STXBP5L: variants seen among roughly 807,000 people sequenced by gnomAD.
STXBP5L encodes syntaxin binding protein 5L.
Under a neutral mutation model 144.5 loss-of-function variants are expected in STXBP5L, and 65 were observed. The observed-to-expected ratio is 0.45, with a 90% CI of 0.37 to 0.55. The LOEUF is 0.55. Ranked by LOEUF, STXBP5L falls within the 20% of genes least tolerant of loss-of-function variation. The pLI is 0.00. For synonymous variants in STXBP5L, 505 were observed against 469.6 expected (o/e 1.08, Z -0.97); for missense variants, 1,298 against 1,405.5 (o/e 0.92, Z 1.22).
chr3:121,006,183 G>T (rs914282778), intron 3 of STXBP5L, among the ~76,000 whole-genome samples: 1 of 152,164 alleles, frequency 6.6e-6, no homozygotes, highest in African/African-American at 2.4e-5. Flanking sequence ...TTGTGTGGGA[G>T]TCTAAGTCTC....
chr3:121,268,158 G>A (rs987509129), intron 18 of STXBP5L, among the ~76,000 whole-genome samples: 8 of 152,160 alleles, frequency 5.3e-5, no homozygotes, highest in East Asian at 1.9e-4. Context: ...GTAACCAACC[G>A]AAATGCCCTT....
rs2051003995 is a variant in STXBP5L at position 121,279,949 on chromosome 3, C to A, written c.2103C>A (p.Phe701Leu). The change falls in exon 19 of 27, where the codon TTC (phenylalanine) becomes TTA (leucine). Residue 701 changes from phenylalanine to leucine, a missense_variant. Physicochemically the swap from Phe to Leu is conservative, Grantham distance 22. Transcript: ENST00000471454. ...QPRSPRKNKQ[F>L]IAGLTELNDS... ...GGTCTCCTCGAAAAAACAAACAGTT[C>A]ATTGCAGGTAGGAGATAAAACAAGA... is the stretch of plus-strand genomic sequence containing the variant. 6.2e-7 allele frequency: 1 copy of A among 1,611,356 alleles called. No homozygotes were observed. Among genetic ancestry groups the A allele is most frequent in the Non-Finnish European group, 8.5e-7 (1 of 1,178,468 alleles).
chr3:121,310,085 T>A (rs979737355), intron 19 of STXBP5L, among the ~76,000 whole-genome samples: 7 of 152,216 alleles, frequency 4.6e-5, no homozygotes, highest in Non-Finnish European at 1.0e-4. Flanking sequence ...AAAGTCTTTT[T>A]AACAAATAAT....
intron 5 of STXBP5L, among the ~76,000 whole-genome samples, chr3:121,105,344 C>G (rs958435431): frequency 6.6e-6 from 1 of 151,536 alleles, no homozygotes; most frequent in Admixed American, 6.6e-5. Context: ...TGCAGTGAGC[C>G]GAGATCACGC....
At chr3:121,219,633 A>G (rs928966514) in intron 10 of STXBP5L, among the ~76,000 whole-genome samples, 1 of 152,078 alleles carries the variant, frequency 6.6e-6, no homozygotes, top group African/African-American at 2.4e-5. Context: ...ACTGACTACC[A>G]CTAGAATTAT....
intron 9 of STXBP5L, among the ~76,000 whole-genome samples, chr3:121,161,741 A>C (rs2046329183): frequency 6.6e-6 from 1 of 152,148 alleles, no homozygotes; most frequent in African/African-American, 2.4e-5. Context: ...GCTACCAGTT[A>C]CATATGCAAT....
At chr3:121,030,969 C>T (rs1361330587) in intron 3 of STXBP5L, among the ~76,000 whole-genome samples, 2 of 152,092 alleles carry the variant, frequency 1.3e-5, no homozygotes, top group Admixed American at 6.6e-5. Context: ...AGAGCAACAT[C>T]GCAAACCATG....
intron 9 of STXBP5L, among the ~76,000 whole-genome samples, chr3:121,198,332 G>T (rs1039862284): frequency 1.2e-4 from 18 of 149,574 alleles, no homozygotes; most frequent in Admixed American, 5.3e-4. Flanking sequence ...CTTTTTGATG[G>T]TTTTTTTTTC....
chr3:121,034,085 C>G (rs913676357), intron 3 of STXBP5L, among the ~76,000 whole-genome samples: 1 of 152,002 alleles, frequency 6.6e-6, no homozygotes. Flanking sequence ...CTCTAGGTAG[C>G]AAATGGAGGT....
chr3:121,414,891 C>G (rs991469459), intron 24 of STXBP5L, among the ~76,000 whole-genome samples: 6 of 152,054 alleles, frequency 3.9e-5, no homozygotes, highest in Admixed American at 3.9e-4. Context: ...GAAAAGTTAG[C>G]AGATTCAATA....
At chr3:121,412,348 A>C (rs928980990) in intron 23 of STXBP5L, among the ~76,000 whole-genome samples, 3 of 152,156 alleles carry the variant, frequency 2.0e-5, no homozygotes, top group African/African-American at 7.2e-5. Flanking sequence ...CACATGTAGA[A>C]GTTAAGAGCC....
intron 2 of STXBP5L, among the ~76,000 whole-genome samples, chr3:120,935,691 C>T (rs2107634796): frequency 6.6e-6 from 1 of 152,106 alleles, no homozygotes; most frequent in East Asian, 1.9e-4. Flanking sequence ...CATATCACTT[C>T]ACATTTTTAT....
At chr3:121,265,858 T>C (rs1221505632) in intron 18 of STXBP5L, among the ~76,000 whole-genome samples, 1 of 150,294 alleles carries the variant, frequency 6.7e-6, no homozygotes, top group Non-Finnish European at 1.5e-5. Context: ...TTCTAGTTTA[T>C]AATAAACTAG....
chr3:121,325,581 A>T (rs1430268054), intron 20 of STXBP5L, among the ~76,000 whole-genome samples: 7 of 152,070 alleles, frequency 4.6e-5, no homozygotes. Flanking sequence ...AATTTAATAG[A>T]ACTTAAGAAA....
intron 2 of STXBP5L, among the ~76,000 whole-genome samples, chr3:120,934,019 C>CTT (rs11409531): frequency 2.0e-5 from 3 of 148,944 alleles, no homozygotes; most frequent in Non-Finnish European, 3.0e-5. Flanking sequence ...AAATTTTGAG[C>CTT]TTTTTTTTTG....
intron 9 of STXBP5L, among the ~76,000 whole-genome samples, chr3:121,203,224 T>C (rs1030155879): frequency 2.6e-5 from 4 of 152,224 alleles, no homozygotes; most frequent in Middle Eastern, 3.4e-3. Flanking sequence ...TTCTCATAAC[T>C]CTCCATTGTC....
intron 14 of STXBP5L, among the ~76,000 whole-genome samples, chr3:121,245,480 T>C (rs1032450072): frequency 2.6e-5 from 4 of 151,968 alleles, no homozygotes; most frequent in South Asian, 2.1e-4. Flanking sequence ...TAAATGTAAA[T>C]TGATTAAACT....
At chr3:121,369,223 G>C (rs1231025175) in intron 20 of STXBP5L, among the ~76,000 whole-genome samples, 1 of 152,098 alleles carries the variant, frequency 6.6e-6, no homozygotes, top group Non-Finnish European at 1.5e-5. Context: ...TCCCCTGAAA[G>C]TTGTATGTCT....
intron 9 of STXBP5L, among the ~76,000 whole-genome samples, chr3:121,191,503 C>T (rs764981151): frequency 2.0e-5 from 3 of 152,016 alleles, no homozygotes; most frequent in Non-Finnish European, 4.4e-5. Context: ...AGTCCAGCCT[C>T]GGCTGGGCAT....
Sources: allele counts gnomAD v4.1 joint callset (sites outside exome capture counted in the v4.1 genomes callset), GRCh38; gene constraint gnomAD v4.1.1; transcripts MANE v1.5; gene names NCBI Gene and HGNC (gene_info 2026-07-23, HGNC 2026-07-21).